Variants in CAMK1D observed in about 807,000 individuals in gnomAD.
CAMK1D encodes the protein calcium/calmodulin-dependent protein kinase type 1D.
In CAMK1D, 9 loss-of-function variants were observed where a neutral mutation model predicts 47.7. The ratio of observed to expected loss-of-function variants is 0.19; its 90% CI spans 0.11 to 0.33. CAMK1D has a LOEUF of 0.33. Among genes scored for constraint, CAMK1D ranks in the 10% least tolerant of loss-of-function variants. The probability of loss-of-function intolerance (pLI) is 1.00; values close to 1 mark genes in which losing one functional copy is unlikely to be tolerated. For synonymous variants in CAMK1D, 184 were observed against 184.9 expected (o/e 0.99, Z 0.04); for missense variants, 291 against 488.7 (o/e 0.60, Z 3.81).
intron 2 of CAMK1D, among the ~76,000 whole-genome samples, chr10:12,569,648 G>A (rs1387286247): frequency 6.7e-6 from 1 of 148,700 alleles, no homozygotes; most frequent in Non-Finnish European, 1.5e-5. Context: ...GAACCCGGGA[G>A]GTGGAGCTTG....
chr10:12,814,234 C>G lies in CAMK1D; in HGVS notation c.681C>G (p.Ser227=), dbSNP rs1356265269. 6.2e-7 allele frequency: 1 copy of G among 1,613,950 alleles called. No homozygotes were observed. Among genetic ancestry groups the G allele is most frequent in the Admixed American group, 1.7e-5 (1 of 60,020 alleles). Residue 227 remains serine (S), a synonymous_variant, in exon 7 of 11, where the codon TCC becomes TCG. Coordinates refer to ENST00000619168, the MANE Select transcript of CAMK1D (RefSeq NM_153498.4). ...CTCCTTTTTATGATGAAAATGACTC[C>G]AAGCTCTTTGAGCAGATCCTCAAGG... ...GYPPFYDEND[S]KLFEQILKAE...
At chr10:12,449,819 C>T (rs536982678) in intron 1 of CAMK1D, among the ~76,000 whole-genome samples, 110 of 152,098 alleles carry the variant, frequency 7.2e-4, no homozygotes, top group Middle Eastern at 6.8e-3. Context: ...GCCAACATGG[C>T]GAAACCCCAC....
chr10:12,407,914 G>T (rs529514878), intron 1 of CAMK1D, among the ~76,000 whole-genome samples: 1 of 144,870 alleles, frequency 6.9e-6, no homozygotes, highest in Non-Finnish European at 1.5e-5. Flanking sequence ...CTGGAGTGCA[G>T]TGGTGCAATC....
intron 6 of CAMK1D, among the ~76,000 whole-genome samples, chr10:12,805,135 T>C (rs12219913): frequency 0.39 from 58,597 of 149,678 alleles, 12,819 homozygotes; most frequent in East Asian, 0.61. Flanking sequence ...GGCGCACACC[T>C]GTAGTCCCAG....
intron 2 of CAMK1D, among the ~76,000 whole-genome samples, chr10:12,630,339 C>G (rs1048788937): frequency 1.4e-5 from 2 of 145,122 alleles, no homozygotes; most frequent in African/African-American, 2.5e-5. Flanking sequence ...GTTTTCTTAT[C>G]CAAATTCTGC....
At chr10:12,512,816 C>G (rs1392047774) in intron 1 of CAMK1D, among the ~76,000 whole-genome samples, 1 of 152,148 alleles carries the variant, frequency 6.6e-6, no homozygotes, top group African/African-American at 2.4e-5. Context: ...GTTCCTGGTC[C>G]AGGTGATTTC....
chr10:12,739,082 G>C (rs1394688029), intron 3 of CAMK1D, among the ~76,000 whole-genome samples: 1 of 150,936 alleles, frequency 6.6e-6, no homozygotes, highest in Non-Finnish European at 1.5e-5. Context: ...GCAAAAAATA[G>C]AAATATTAGC....
intron 3 of CAMK1D, among the ~76,000 whole-genome samples, chr10:12,733,332 G>C (rs1834979881): frequency 6.6e-6 from 1 of 152,150 alleles, no homozygotes; most frequent in Admixed American, 6.5e-5. Context: ...GGAGAGAATA[G>C]TAATATTTTA....
intron 7 of CAMK1D, 110 bp from the exon 8 acceptor site, chr10:12,816,140 G>T (rs1564583591): frequency 2.6e-6 from 2 of 774,976 alleles, no homozygotes; most frequent in Non-Finnish European, 4.3e-6. Flanking sequence ...TGGAGGGCTG[G>T]TCTCATATTT....
chr10:12,352,173 G>A (rs1837372560), intron 1 of CAMK1D, among the ~76,000 whole-genome samples: 1 of 152,214 alleles, frequency 6.6e-6, no homozygotes, highest in Admixed American at 6.5e-5. Context: ...AAGTGGCGGA[G>A]CTGGTATTCA....
intron 10 of CAMK1D, chr10:12,825,920 T>C: frequency 1.7e-6 from 1 of 599,908 alleles, no homozygotes. Flanking sequence ...GAGGACTGTT[T>C]GAGTTCAGGA....
chr10:12,556,308 C>T (rs901155925), intron 2 of CAMK1D, among the ~76,000 whole-genome samples: 13 of 152,220 alleles, frequency 8.5e-5, no homozygotes, highest in Non-Finnish European at 5.9e-5. Context: ...ATTAAATTCT[C>T]ACTGTGCAGC....
At chr10:12,350,119 AG>A (rs920101793) in intron 1 of CAMK1D, among the ~76,000 whole-genome samples, 21 of 151,224 alleles carry the variant, frequency 1.4e-4, no homozygotes, top group Non-Finnish European at 1.8e-4. Context: ...CGGGAGGGGG[AG>A]GGGGCAGCGC....
chr10:12,483,245 A>G (rs1200186109), intron 1 of CAMK1D, among the ~76,000 whole-genome samples: 1 of 152,176 alleles, frequency 6.6e-6, no homozygotes, highest in Non-Finnish European at 1.5e-5. Context: ...TTGGTCACTC[A>G]GGCTGGAGTG....
intron 1 of CAMK1D, among the ~76,000 whole-genome samples, chr10:12,463,503 G>A (rs1369822750): frequency 6.6e-6 from 1 of 152,148 alleles, no homozygotes; most frequent in Non-Finnish European, 1.5e-5. Flanking sequence ...CAGTATTTTA[G>A]TTGTTAGTAA....
In CAMK1D at chr10:12,783,949, C is replaced by T. The variant is rs568575240; in HGVS notation, c.566-7209C>T. On this transcript the variant is annotated intron_variant, in intron 5 of 10. Coordinates refer to ENST00000619168, the MANE Select transcript of CAMK1D (RefSeq NM_153498.4). The stretch of plus-strand genomic sequence containing the variant: ...CTCTGAGAAGGACCACATCTCTCCA[C>T]AGGGGTCTCTGATGGCTCCTTGGAC... 2.0e-3 allele frequency among the ~76,000 whole-genome samples: 308 copies of T among 152,278 alleles called. 2 individuals are homozygous for T. The highest frequency in any genetic ancestry group is 3.6e-3 in the Non-Finnish European group (245 of 68,022).
chr10:12,609,497 ACAGTCCCAT>A (rs1207598845), intron 2 of CAMK1D, among the ~76,000 whole-genome samples: 1 of 152,212 alleles, frequency 6.6e-6, no homozygotes, highest in East Asian at 1.9e-4. Flanking sequence ...CTGCAACTGG[ACAGTCCCAT>A]CTGGGGATGA....
At chr10:12,424,908 A>T (rs1840174791) in intron 1 of CAMK1D, among the ~76,000 whole-genome samples, 1 of 152,150 alleles carries the variant, frequency 6.6e-6, no homozygotes, top group South Asian at 2.1e-4. Flanking sequence ...ACCATACGAC[A>T]TCTGGTTTGT....
intron 2 of CAMK1D, among the ~76,000 whole-genome samples, chr10:12,567,012 G>A (rs12255278): frequency 0.03 from 4,518 of 152,240 alleles, 224 homozygotes; most frequent in African/African-American, 0.1. Context: ...GCCCGTCGCC[G>A]AGCCTGCAGT....
Sources: gnomAD v4.1 joint callset for allele counts (sites outside exome capture counted in the v4.1 genomes callset) on GRCh38, gnomAD v4.1.1 for gene constraint, MANE v1.5 for transcripts, NCBI Gene and HGNC (gene_info 2026-07-23, HGNC 2026-07-21) for gene names.